SRPK1: variants seen among roughly 807,000 people sequenced by gnomAD.
SRPK1 encodes the protein SRSF protein kinase 1.
In SRPK1, 52 loss-of-function variants were observed where a neutral mutation model predicts 89.5. That is an observed-to-expected ratio of 0.58 (90% CI 0.46 to 0.73). The LOEUF is 0.73. Ranked by LOEUF, SRPK1 falls within the 30% of genes least tolerant of loss-of-function variation. SRPK1 has a pLI of 0.00. For synonymous variants in SRPK1, 255 were observed against 270.2 expected (o/e 0.94, Z 0.55); for missense variants, 603 against 780.6 (o/e 0.77, Z 2.71).
chr6:35,889,912 C>A (rs1485186612), intron 3 of SRPK1, among the ~76,000 whole-genome samples: 2 of 148,882 alleles, frequency 1.3e-5, no homozygotes, highest in African/African-American at 5.0e-5. Flanking sequence ...TCCTGGCTAA[C>A]ACGGTGAAAC....
chr6:35,887,160 G>C (rs1004496821), intron 5 of SRPK1, among the ~76,000 whole-genome samples: 2 of 151,998 alleles, frequency 1.3e-5, no homozygotes, highest in Admixed American at 6.6e-5. Context: ...TTTTTTCAGC[G>C]GACATTTTTT....
At chr6:35,877,074 T>G (rs1770170824) in intron 6 of SRPK1, among the ~76,000 whole-genome samples, 1 of 152,146 alleles carries the variant, frequency 6.6e-6, no homozygotes, top group African/African-American at 2.4e-5. Context: ...AAAAACATCT[T>G]AAAGGATTAT....
At chr6:35,916,253 T>TAAA (rs1451481253) in intron 2 of SRPK1, among the ~76,000 whole-genome samples, 6 of 151,142 alleles carry the variant, frequency 4.0e-5, no homozygotes, top group African/African-American at 1.5e-4. Context: ...AATTAATTAA[T>TAAA]TAATTAATTA....
At chr6:35,889,858 G>A (rs1770482329) in intron 3 of SRPK1, among the ~76,000 whole-genome samples, 3 of 150,776 alleles carry the variant, frequency 2.0e-5, no homozygotes, top group Admixed American at 1.3e-4. Flanking sequence ...CAGCACTTTG[G>A]GAGGCTGAGG....
chr6:35,912,675 T>G lies in SRPK1; in HGVS notation c.74+7793A>C, dbSNP rs147176542. 3.8e-3 allele frequency among the ~76,000 whole-genome samples: 578 copies of G among 152,274 alleles called. 2 individuals are homozygous for G. Among genetic ancestry groups the G allele is most frequent in the African/African-American group, 0.013 (543 of 41,556 alleles). ...AATATCCCCAAACTAGTAACAGTGA[T>G]AGAGAGGATTTGGAGAGCATGAGCA... On this transcript the variant is annotated intron_variant, in intron 2 of 15. Coordinates refer to ENST00000373825, the MANE Select transcript of SRPK1 (RefSeq NM_003137.5).
At chr6:35,841,705 G>T (rs1769310892) in intron 14 of SRPK1, among the ~76,000 whole-genome samples, 1 of 152,000 alleles carries the variant, frequency 6.6e-6, no homozygotes, top group Non-Finnish European at 1.5e-5. Context: ...GGTGGCACAA[G>T]CCCGTAGTCC....
chr6:35,872,936 C>A (rs941524672), intron 7 of SRPK1, among the ~76,000 whole-genome samples: 4 of 152,024 alleles, frequency 2.6e-5, no homozygotes, highest in Non-Finnish European at 2.9e-5. Context: ...ATAAAAAATT[C>A]TTCAATGTTT....
intron 13 of SRPK1, among the ~76,000 whole-genome samples, chr6:35,843,980 T>C (rs1053855229): frequency 6.6e-6 from 1 of 151,746 alleles, no homozygotes; most frequent in Admixed American, 6.6e-5. Context: ...ACAAATGGAG[T>C]TTTAAAAATT....
chr6:35,878,958 G>A (rs1364549785), intron 6 of SRPK1, among the ~76,000 whole-genome samples: 1 of 152,110 alleles, frequency 6.6e-6, no homozygotes, highest in Non-Finnish European at 1.5e-5. Context: ...AGGTGTGGTG[G>A]CATGCACCTG....
intron 2 of SRPK1, among the ~76,000 whole-genome samples, chr6:35,913,404 G>T (rs1442512050): frequency 6.6e-6 from 1 of 152,106 alleles, no homozygotes; most frequent in African/African-American, 2.4e-5. Context: ...GAATTCACTT[G>T]AATCACTCCA....
Position 35,888,114 on chromosome 6 carries a change from A to G in SRPK1, c.303-3T>C, listed in dbSNP as rs1770447664. 2.5e-6 allele frequency: 4 copies of G among 1,603,688 alleles called. No individual in the cohort carries two copies. Among genetic ancestry groups the G allele is most frequent in the Non-Finnish European group, 2.6e-6 (3 of 1,175,960 alleles). ...TCATTGCCACAAATTTCTTCCCCCT[A>G]AGAAACAAACACAGGCAATTAAGAC... is the stretch of plus-strand genomic sequence containing the variant. On this transcript the variant is annotated splice_region_variant and splice_polypyrimidine_tract_variant and intron_variant, in intron 4 of 15. Transcript: ENST00000373825.
intron 2 of SRPK1, among the ~76,000 whole-genome samples, chr6:35,911,066 A>T (rs1474977048): frequency 6.6e-6 from 1 of 152,224 alleles, no homozygotes; most frequent in Non-Finnish European, 1.5e-5. Context: ...TCAACTTTCA[A>T]GTCTTATTAT....
intron 6 of SRPK1, among the ~76,000 whole-genome samples, chr6:35,874,752 A>C (rs1770117703): frequency 6.6e-6 from 1 of 152,240 alleles, no homozygotes; most frequent in Non-Finnish European, 1.5e-5. Flanking sequence ...GCTTCAAAGC[A>C]AGGAAAAACA....
intron 3 of SRPK1, among the ~76,000 whole-genome samples, chr6:35,890,212 G>A (rs1191007758): frequency 6.6e-6 from 1 of 152,168 alleles, no homozygotes; most frequent in Admixed American, 6.5e-5. Context: ...GCAGTGAGCT[G>A]AGATCGTGCC....
chr6:35,867,634 G>A (rs1384859437), intron 12 of SRPK1, among the ~76,000 whole-genome samples: 1 of 152,096 alleles, frequency 6.6e-6, no homozygotes, highest in Non-Finnish European at 1.5e-5. Context: ...TGGCCAACAT[G>A]GTGAAACCCC....
chr6:35,898,791 G>A (rs1770677354), intron 2 of SRPK1, among the ~76,000 whole-genome samples: 1 of 151,978 alleles, frequency 6.6e-6, no homozygotes, highest in African/African-American at 2.4e-5. Flanking sequence ...CTTCTTCTCT[G>A]TTTTCCCTAA....
intron 8 of SRPK1, among the ~76,000 whole-genome samples, chr6:35,871,261 G>A (rs1019818825): frequency 2.0e-5 from 3 of 152,088 alleles, no homozygotes; most frequent in Non-Finnish European, 2.9e-5. Flanking sequence ...AATAGAATGG[G>A]ACAAGCAACA....
At chr6:35,869,156 AAATACTCAATGAGTAAT>A in intron 11 of SRPK1, 46 bp from the exon 12 acceptor site, 1 of 1,465,032 alleles carries the variant, frequency 6.8e-7, no homozygotes, top group Middle Eastern at 1.7e-4. Flanking sequence ...ATGAACAGAG[AAATACTCAATGAGTAAT>A]AAAGCTCTCC....
chr6:35,838,325 C>T lies in SRPK1; in HGVS notation c.1783+12G>A. ...TCTGCCTCCTTAATGTCTGGGAACA[C>T]ATTTACTTTACCTTTTTTGGTGAAA... On this transcript the variant is annotated intron_variant, in intron 15 of 15. Coordinates refer to ENST00000373825, the MANE Select transcript of SRPK1 (RefSeq NM_003137.5). 1 of 1,545,880 alleles carries T rather than the reference C, an allele frequency of 6.5e-7. No homozygotes were observed. Among genetic ancestry groups the T allele is most frequent in the Non-Finnish European group, 8.7e-7 (1 of 1,152,018 alleles).
Sources: allele counts gnomAD v4.1 joint callset (sites outside exome capture counted in the v4.1 genomes callset), GRCh38; gene constraint gnomAD v4.1.1; transcripts MANE v1.5; gene names NCBI Gene and HGNC (gene_info 2026-07-23, HGNC 2026-07-21).